The following SI variants were observed in gnomAD, a reference collection of about 807,000 sequenced individuals.
SI encodes sucrase-isomaltase, intestinal.
A neutral mutation model predicts 253.3 loss-of-function variants in SI; 235 were observed. That is an observed-to-expected ratio of 0.93 (90% CI 0.83 to 1.03). The LOEUF is 1.03. Ranked by LOEUF, SI falls within the 50% of genes least tolerant of loss-of-function variation. SI has a pLI of 0.00. For synonymous variants in SI, 819 were observed against 712.0 expected (o/e 1.15, Z -2.39); for missense variants, 2,442 against 2,211.1 (o/e 1.10, Z -2.09).
At chr3:165,059,750 A>G (rs2108249686) in intron 10 of SI, 152 bp downstream of exon 10, 1 of 788,192 alleles carries the variant, frequency 1.3e-6, no homozygotes, top group Non-Finnish European at 2.1e-6. Context: ...GGCATTACAT[A>G]TGAGATAAAA....
chr3:165,059,413 A>G (rs1334390106), intron 10 of SI, 114 bp from the exon 11 acceptor site: 2 of 1,046,692 alleles, frequency 1.9e-6, no homozygotes, highest in African/African-American at 3.1e-5. Flanking sequence ...AAAATAAATG[A>G]ACGTCCATCC....
At chr3:165,034,459 T>G (rs958060396) in intron 22 of SI, among the ~76,000 whole-genome samples, 8 of 152,058 alleles carry the variant, frequency 5.3e-5, no homozygotes, top group South Asian at 4.2e-4. Flanking sequence ...ATTGTTTGAT[T>G]GATGACTACA....
At chr3:164,992,077 A>AAAAAG in intron 43 of SI, 100 bp downstream of exon 43, 5 of 972,028 alleles carry the variant, frequency 5.1e-6, no homozygotes, top group Non-Finnish European at 8.3e-6. Flanking sequence ...CACTCTTTTT[A>AAAAAG]AGTGGAAAGT....
intron 17 of SI, among the ~76,000 whole-genome samples, chr3:165,041,685 A>G (rs907339409): frequency 6.6e-6 from 1 of 152,096 alleles, no homozygotes; most frequent in African/African-American, 2.4e-5. Flanking sequence ...CAGCCTCTCT[A>G]CTGAGCTCAG....
chr3:165,030,028 C>A (rs919264519), intron 25 of SI, among the ~76,000 whole-genome samples: 4 of 150,022 alleles, frequency 2.7e-5, no homozygotes, highest in Non-Finnish European at 6.0e-5. Context: ...ATGTAAATGT[C>A]TCTGGGAAAT....
chr3:165,039,496 T>C (rs528369287), intron 19 of SI, among the ~76,000 whole-genome samples: 2 of 152,254 alleles, frequency 1.3e-5, no homozygotes, highest in African/African-American at 2.4e-5. Context: ...CCCACTCCAG[T>C]GTTTCTCCAA....
rs1347233015 is a variant in SI, at chr3:165,021,278, C to T, written c.3205G>A (p.Glu1069Lys). The T allele has an allele frequency of 1.9e-6, 3 of 1,611,272 alleles. No individual in the cohort carries two copies. The African/African-American group carries it at 4.0e-5, about 22-fold the overall frequency. ...CGAATCTGGATGCCAAAAGGATTTT[C>T]CTTGATTTCCACATCATAAAGTCTG... ...EDRLYDVEIK[E>K]NPFGIQIRRR... Residue 1069 changes from glutamate (E) to lysine (K), a missense_variant, in exon 27 of 48, where the codon GAA (glutamate) becomes AAA (lysine). By Grantham distance (56) the Glu-to-Lys change is moderately conservative. Transcript: ENST00000264382.
Position 165,059,212 on chromosome 3 carries a change from CA to C in SI, c.1233del (p.Phe411LeufsTer22), listed in dbSNP as rs754041597. The part of the protein sequence containing the change: ...DQVAFNGLPQ[F>X]VQDLHDHGQK... ...TGTCCATGGTCATGCAAATCTTGCA[CA>C]AATTGAGGGAGTCCGTTAAACGCAA... On this transcript the variant is annotated frameshift_variant, in exon 11 of 48. Coordinates refer to ENST00000264382, the MANE Select transcript of SI (RefSeq NM_001041.4). LOFTEE classifies it high-confidence loss of function. 4 of 1,612,584 alleles carry C rather than the reference CA, an allele frequency of 2.5e-6. No individual in the cohort carries two copies. The South Asian group carries it at 3.3e-5, about 13-fold the overall frequency.
chr3:165,043,538 A>G (rs1240555991), intron 16 of SI, among the ~76,000 whole-genome samples: 1 of 151,810 alleles, frequency 6.6e-6, no homozygotes, highest in Non-Finnish European at 1.5e-5. Flanking sequence ...GATTTTTCTT[A>G]TTTATAATAT....
chr3:165,055,124 T>A, intron 13 of SI, 70 bp downstream of exon 13: 2 of 896,232 alleles, frequency 2.2e-6, no homozygotes, highest in Non-Finnish European at 3.7e-6. Context: ...TTTTGTTGAC[T>A]TAGTAATTTT....
intron 15 of SI, among the ~76,000 whole-genome samples, chr3:165,048,502 G>A (rs898245101): frequency 1.4e-5 from 2 of 145,420 alleles, no homozygotes; most frequent in South Asian, 4.3e-4. Flanking sequence ...AAATTTTGAA[G>A]GATAATTTAA....
In SI at chr3:165,067,326, A is replaced by T. The variant is rs1482190685; in HGVS notation, c.635+14T>A. The T allele has an allele frequency of 6.4e-7, 1 of 1,572,076 alleles. No individual in the cohort carries two copies. Among genetic ancestry groups the T allele is most frequent in the Non-Finnish European group, 8.7e-7 (1 of 1,146,204 alleles). ...ATAGAATAAACTTATATAATTGTAAAATAATACACTTACAAAGTTTTACCG... is the reference window on the plus strand; with the variant it reads ...ATAGAATAAACTTATATAATTGTAATATAATACACTTACAAAGTTTTACCG... On this transcript the variant is annotated intron_variant, in intron 6 of 47. Coordinates refer to ENST00000264382, the MANE Select transcript of SI (RefSeq NM_001041.4).
At chr3:165,074,362 A>C (rs546887001) in intron 3 of SI, 169 bp downstream of exon 3, 2 of 373,732 alleles carry the variant, frequency 5.4e-6, no homozygotes, top group South Asian at 1.8e-4. Flanking sequence ...AAGCAAGGTC[A>C]GTAACTTCTA....
rs368011959 is a variant in SI at position 165,064,704 on chromosome 3, G to C, written c.807+557C>G. 2.6e-5 allele frequency among the ~76,000 whole-genome samples: 4 copies of C among 152,172 alleles called. No homozygotes were observed. The East Asian group carries it at 5.8e-4, about 22-fold the overall frequency. On this transcript the variant is annotated intron_variant, in intron 7 of 47. Transcript: ENST00000264382. The stretch of plus-strand genomic sequence containing the variant: ...ATAAAGACTAAGCCCTTATGGGAGA[G>C]TTTGGGAGAAGTTCTTATGAGATAA...
At chr3:165,074,502 T>TA (rs748914312) in intron 3 of SI, 29 bp downstream of exon 3, 4 of 1,482,568 alleles carry the variant, frequency 2.7e-6, no homozygotes, top group Non-Finnish European at 3.7e-6. Flanking sequence ...ATATATTCAT[T>TA]AAAAATATTA....
intron 13 of SI, among the ~76,000 whole-genome samples, chr3:165,053,722 T>C (rs1301102654): frequency 6.6e-6 from 1 of 152,188 alleles, no homozygotes; most frequent in Non-Finnish European, 1.5e-5. Flanking sequence ...TCTCTCTTTC[T>C]ATAACACAAT....
intron 47 of SI, among the ~76,000 whole-genome samples, chr3:164,980,053 T>C (rs1576862358): frequency 1.3e-5 from 2 of 151,986 alleles, no homozygotes; most frequent in East Asian, 1.9e-4. Context: ...TTGCTCCTTT[T>C]TGTCCAATGA....
chr3:165,072,636 G>A (rs1714661238), intron 3 of SI, among the ~76,000 whole-genome samples: 1 of 151,944 alleles, frequency 6.6e-6, no homozygotes. Context: ...ATTATGACAT[G>A]CTAGTTAAAG....
At chr3:165,010,877 T>G (rs115718823) in intron 34 of SI, among the ~76,000 whole-genome samples, 1,603 of 152,280 alleles carry the variant, frequency 0.011, 28 homozygotes, top group African/African-American at 0.036. Flanking sequence ...TCTCTAGTGG[T>G]TCTCAAGAAT....
Sources: gnomAD v4.1 joint callset for allele counts (sites outside exome capture counted in the v4.1 genomes callset) on GRCh38, gnomAD v4.1.1 for gene constraint, MANE v1.5 for transcripts, NCBI Gene and HGNC (gene_info 2026-07-23, HGNC 2026-07-21) for gene names.